CRLF2: variants seen among roughly 807,000 people sequenced by gnomAD.
The protein encoded by CRLF2 is cytokine receptor-like factor 2.
CRLF2 carries 41 observed loss-of-function variants against 38.7 expected under a neutral mutation model. The observed-to-expected ratio is 1.06, with a 90% confidence interval of 0.83 to 1.37. The LOEUF is 1.37. Ranked by LOEUF, CRLF2 falls within the 40% of genes most tolerant of loss-of-function variation. CRLF2 has a pLI of 0.00. For missense variants in CRLF2, 377 were observed against 322.2 expected (o/e 1.17, Z -1.30); for synonymous variants, 140 against 128.8 (o/e 1.09, Z -0.59).
chrX:1,193,140 G>A (rs1340415452), intron 7 of CRLF2, 78 bp downstream of exon 7: 25 of 397,724 alleles, frequency 6.3e-5, no homozygotes, highest in South Asian at 1.3e-4. Context: ...AAAAGGTCGC[G>A]CTCAGAGAGA....
At chrX:1,207,376 C>T (rs1283049123) in intron 2 of CRLF2, among the ~76,000 whole-genome samples, 1 of 152,056 alleles carries the variant, frequency 6.6e-6, no homozygotes, top group Non-Finnish European at 1.5e-5. Flanking sequence ...CTGCCTCAGC[C>T]TCCCAAGTTG....
intron 2 of CRLF2, among the ~76,000 whole-genome samples, chrX:1,208,057 C>A (rs2086724043): frequency 6.6e-6 from 1 of 152,194 alleles, no homozygotes; most frequent in South Asian, 2.1e-4. Flanking sequence ...TGTTCGTACG[C>A]ATACTTCTGG....
At chrX:1,199,935 G>T (rs1252675337) in intron 4 of CRLF2, among the ~76,000 whole-genome samples, 10 of 56,708 alleles carry the variant, frequency 1.8e-4, no homozygotes, top group Admixed American at 4.0e-4. Flanking sequence ...TGTATGTAAG[G>T]TGTGTATATA....
intron 4 of CRLF2, among the ~76,000 whole-genome samples, chrX:1,200,134 T>A (rs1603396594): frequency 6.6e-6 from 1 of 151,066 alleles, no homozygotes; most frequent in Non-Finnish European, 1.5e-5. Flanking sequence ...TATCTATACA[T>A]GTGTGTATAT....
chrX:1,205,743 T>C (rs2086679826), intron 3 of CRLF2, among the ~76,000 whole-genome samples: 1 of 152,098 alleles, frequency 6.6e-6, no homozygotes, highest in East Asian at 1.9e-4. Flanking sequence ...TTTTCAGTAC[T>C]TATGGTAATA....
intron 7 of CRLF2, among the ~76,000 whole-genome samples, chrX:1,192,680 T>G (rs2086406577): frequency 6.6e-6 from 1 of 151,568 alleles, no homozygotes; most frequent in Admixed American, 6.6e-5. Flanking sequence ...TTTCTCTTTC[T>G]TTTTCTCTTT....
chrX:1,204,150 C>CTG lies in CRLF2; in HGVS notation c.350-1617_350-1616dup, dbSNP rs782552615. 7.7e-3 allele frequency among the ~76,000 whole-genome samples: 962 copies of CTG among 124,764 alleles called. 15 individuals carry two copies. The highest frequency in any genetic ancestry group is 0.015 in the African/African-American group (519 of 35,290). 81.9% of individuals were successfully genotyped at this position (124,764 alleles called of 152,430 possible). A position where few individuals can be genotyped will look rare whatever the true frequency, so the allele number is the denominator to read the frequency against. The stretch of plus-strand genomic sequence containing the variant: ...GATGAGAGAGTATTTCCAGCTCACT[C>CTG]TGTGTGTGTGTGTGTGTGTGTGTGT... On this transcript the variant is annotated intron_variant, in intron 3 of 7. Transcript: ENST00000400841.
chrX:1,203,340 G>A (rs10449115), intron 3 of CRLF2, among the ~76,000 whole-genome samples: 25 of 151,510 alleles, frequency 1.7e-4, no homozygotes, highest in Middle Eastern at 3.5e-3. Flanking sequence ...CCAGGAGCTG[G>A]GAGAGGTAGG....
chrX:1,212,197 C>T (rs1336799118), intron 1 of CRLF2, among the ~76,000 whole-genome samples: 1 of 151,706 alleles, frequency 6.6e-6, no homozygotes, highest in African/African-American at 2.4e-5. Flanking sequence ...AGATGAGATA[C>T]ATTGATGGAT....
chrX:1,190,891 T>G lies in CRLF2; in HGVS notation c.*6A>C. The G allele has an allele frequency of 2.5e-6, 1 of 398,690 alleles. No individual in the cohort carries two copies. The highest frequency in any genetic ancestry group is 4.4e-6 in the Non-Finnish European group (1 of 226,100). The allele number at this position is 398,690 out of a possible 1,614,324, so 24.7% of individuals were successfully genotyped here. A position where few individuals can be genotyped will look rare whatever the true frequency, so the allele number is the denominator to read the frequency against. ...CCTGACGTTGACTTTGACAGTGGTGTGTCCATCACAACGCCACGTAGGAGC... is the reference window on the plus strand; with the variant it reads ...CCTGACGTTGACTTTGACAGTGGTGGGTCCATCACAACGCCACGTAGGAGC... On this transcript the variant is annotated 3_prime_UTR_variant, in exon 8 of 8. Transcript: ENST00000400841.
At position 1,208,895 on chromosome X, in the gene CRLF2, C is replaced by G. The variant is rs766504287; in HGVS notation, c.93G>C (p.Gln31His). 1.3e-6 allele frequency: 2 copies of G among 1,599,104 alleles called. No homozygotes were observed. Among genetic ancestry groups the G allele is most frequent in the East Asian group, 2.2e-5 (1 of 44,788 alleles). ...CTAAATTGAAGTAGATGATCTGAAT[C>G]TGTACTCCTTCTGCTAGACACAGAG... is the stretch of plus-strand genomic sequence containing the variant. ...LGQGGAAEGV[Q>H]IQIIYFNLET... The change falls in exon 2 of 8, where the codon CAG becomes CAC. Residue 31 changes from glutamine (Q) to histidine (H), a missense_variant. Coordinates refer to ENST00000400841, the MANE Select transcript of CRLF2 (RefSeq NM_022148.4).
chrX:1,191,295 C>CTTTCCT (rs1556415440), intron 7 of CRLF2, 135 bp from the exon 8 acceptor site: 2 of 318,742 alleles, frequency 6.3e-6, no homozygotes, highest in Non-Finnish European at 1.1e-5. Flanking sequence ...CTTTTCTTTT[C>CTTTCCT]TCTTTCTTTC....
intron 2 of CRLF2, 124 bp downstream of exon 2, chrX:1,208,682 A>G: frequency 1.5e-6 from 1 of 682,750 alleles, no homozygotes. Flanking sequence ...CACAGAACAA[A>G]CATTCCGGCT....
At chrX:1,201,870 A>C (rs181847881) in intron 4 of CRLF2, among the ~76,000 whole-genome samples, 3 of 151,998 alleles carry the variant, frequency 2.0e-5, no homozygotes, top group African/African-American at 7.2e-5. Context: ...TAGAAGATTG[A>C]CCATACATAG....
Position 1,198,653 on chromosome X carries a change from G to C in CRLF2, c.555C>G (p.Val185=). The C allele has an allele frequency of 6.2e-7, 1 of 1,613,186 alleles. No homozygotes were observed. The highest frequency in any genetic ancestry group is 1.1e-5 in the South Asian group (1 of 91,044). The change falls in exon 5 of 8, where the codon GTC becomes GTG. Residue 185 remains valine, a synonymous_variant. Coordinates refer to ENST00000400841, the MANE Select transcript of CRLF2 (RefSeq NM_022148.4). ...ATACATCCTCCATAGCCTTCACCCT[G>C]ACCCAGAAAGAGTAACACTTCTCGG... ...LDAEKCYSFW[V]RVKAMEDVYG...
intron 3 of CRLF2, among the ~76,000 whole-genome samples, chrX:1,204,315 G>A (rs1463574362): frequency 2.0e-5 from 3 of 152,034 alleles, no homozygotes; most frequent in Non-Finnish European, 1.5e-5. Flanking sequence ...CACAAACTCC[G>A]CCTCCCAGAT....
chrX:1,197,860 G>T (rs1456114222), intron 5 of CRLF2, among the ~76,000 whole-genome samples: 3 of 151,816 alleles, frequency 2.0e-5, no homozygotes, highest in Non-Finnish European at 4.4e-5. Context: ...ATTTAATCAG[G>T]TGTGGTGGCG....
At chrX:1,202,353 T>C (rs780775619) in intron 4 of CRLF2, 49 bp downstream of exon 4, 7 of 1,610,018 alleles carry the variant, frequency 4.3e-6, no homozygotes, top group East Asian at 2.2e-5. Flanking sequence ...AGCCCGCACC[T>C]GGGGGACGCT....
chrX:1,192,338 C>T (rs1232782547), intron 7 of CRLF2, among the ~76,000 whole-genome samples: 4 of 151,282 alleles, frequency 2.6e-5, no homozygotes, highest in African/African-American at 9.7e-5. Flanking sequence ...ACATAGGACA[C>T]AAAAACCAGG....
Sources: allele counts gnomAD v4.1 joint callset (sites outside exome capture counted in the v4.1 genomes callset), GRCh38; gene constraint gnomAD v4.1.1; transcripts MANE v1.5; gene names NCBI Gene and HGNC (gene_info 2026-07-23, HGNC 2026-07-21).